Variants in CIMAP1D observed in about 807,000 individuals in gnomAD.
CIMAP1D encodes CIMAP1 family member D.
At chr19:483,256 C>G in the CIMAP1D span, among the ~76,000 whole-genome samples, 7 of 149,694 alleles carry the variant, frequency 4.7e-5, no homozygotes, top group Admixed American at 2.7e-4. Context: ...CCCATCCCCC[C>G]CCAACACCCA....
At chr19:475,146 G>A in the CIMAP1D span, among the ~76,000 whole-genome samples, 4 of 152,154 alleles carry the variant, frequency 2.6e-5, no homozygotes, top group South Asian at 2.1e-4. Flanking sequence ...TGGCGGGGTC[G>A]TGGGTGGCGT....
the CIMAP1D span, among the ~76,000 whole-genome samples, chr19:482,829 G>A: frequency 7.9e-3 from 1,198 of 152,222 alleles, 15 homozygotes; most frequent in African/African-American, 0.027. Context: ...CACCCTGGCC[G>A]CCATCATACG....
At chr19:467,390 T>C in the CIMAP1D span, among the ~76,000 whole-genome samples, 1 of 152,016 alleles carries the variant, frequency 6.6e-6, no homozygotes, top group Non-Finnish European at 1.5e-5. Flanking sequence ...TCTCACCTCC[T>C]GACACCTAGG....
At chr19:483,905 C>A in the CIMAP1D span, among the ~76,000 whole-genome samples, 2 of 152,198 alleles carry the variant, frequency 1.3e-5, no homozygotes, top group Non-Finnish European at 2.9e-5. Flanking sequence ...TTCTGTGCGG[C>A]ACGGGAAGGG....
the CIMAP1D span, among the ~76,000 whole-genome samples, chr19:479,415 G>A: frequency 6.4e-5 from 9 of 141,510 alleles, no homozygotes; most frequent in South Asian, 1.1e-3. Flanking sequence ...TTTTTTTGGG[G>A]GGGGGGGGGA....
chr19:474,753 G>C, the CIMAP1D span: 1 of 1,511,384 alleles, frequency 6.6e-7, no homozygotes, highest in African/African-American at 1.4e-5. Context: ...CCCATGGTGG[G>C]CAGGCGATGG....
the CIMAP1D span, among the ~76,000 whole-genome samples, chr19:466,748 G>A: frequency 3.8e-4 from 53 of 138,646 alleles, no homozygotes; most frequent in African/African-American, 1.3e-3. Flanking sequence ...TGAGTGGATG[G>A]GTGGATGGTT....
At chr19:472,582 G>T in the CIMAP1D span, 1 of 1,023,238 alleles carries the variant, frequency 9.8e-7, no homozygotes, top group South Asian at 1.8e-5. Context: ...CTGAGCCTTA[G>T]CCTGGGTTCC....
chr19:464,183 CTTGGTGAAGAT>C, the CIMAP1D span: 7 of 1,509,294 alleles, frequency 4.6e-6, no homozygotes, highest in South Asian at 9.0e-5. Flanking sequence ...GGCTGCTGGG[CTTGGTGAAGAT>C]CTGTGAGCCC....
the CIMAP1D span, among the ~76,000 whole-genome samples, chr19:468,847 A>G: frequency 2.2e-5 from 1 of 45,008 alleles, no homozygotes; most frequent in African/African-American, 3.7e-5. Context: ...TGGCCCAGAC[A>G]CGGCTCCAGA....
the CIMAP1D span, among the ~76,000 whole-genome samples, chr19:488,798 C>G: frequency 2.8e-4 from 43 of 152,228 alleles, 1 homozygote; most frequent in Admixed American, 9.2e-4. Context: ...GCTCCTTGGG[C>G]GAACGGCCAG....
At chr19:486,502 G>A in the CIMAP1D span, among the ~76,000 whole-genome samples, 6 of 151,972 alleles carry the variant, frequency 3.9e-5, no homozygotes, top group Non-Finnish European at 7.4e-5. Flanking sequence ...GGGTAGTGGC[G>A]CAATCTCGGC....
the CIMAP1D span, among the ~76,000 whole-genome samples, chr19:485,997 C>A: frequency 6.6e-6 from 1 of 152,206 alleles, no homozygotes; most frequent in Admixed American, 6.5e-5. Context: ...GAGACTCTAA[C>A]AAGGAAGGCT....
chr19:474,347 G>A, the CIMAP1D span, among the ~76,000 whole-genome samples: 10 of 152,186 alleles, frequency 6.6e-5, no homozygotes, highest in Non-Finnish European at 1.3e-4. Context: ...CCGCATGATC[G>A]CTGTGGCTTT....
chr19:465,461 GGATA>G, the CIMAP1D span, among the ~76,000 whole-genome samples: 14 of 146,678 alleles, frequency 9.5e-5, no homozygotes, highest in Admixed American at 7.5e-4. Context: ...GTGGGTGGGT[GGATA>G]GATGGGTGGG....
the CIMAP1D span, among the ~76,000 whole-genome samples, chr19:485,269 G>GGC: frequency 1.3e-5 from 2 of 152,228 alleles, no homozygotes; most frequent in South Asian, 2.1e-4. Flanking sequence ...CACACAGGCA[G>GGC]GCGCGCACAC....
chr19:467,587 A>T, the CIMAP1D span: 1 of 1,013,258 alleles, frequency 9.9e-7, no homozygotes, highest in Non-Finnish European at 1.6e-6. Flanking sequence ...AGGACAGGGC[A>T]GGAGAGTCGC....
chr19:484,882 C>T, the CIMAP1D span, among the ~76,000 whole-genome samples: 5 of 151,968 alleles, frequency 3.3e-5, no homozygotes, highest in Non-Finnish European at 5.9e-5. Context: ...GAGGAGGGCA[C>T]GGCCTGAATT....
At chr19:481,221 TG>T in the CIMAP1D span, among the ~76,000 whole-genome samples, 753 of 99,368 alleles carry the variant, frequency 7.6e-3, no homozygotes, top group African/African-American at 0.056. Flanking sequence ...AGAAGGATGA[TG>T]GGGAAGGATG....
Sources: gnomAD v4.1 joint callset for allele counts (sites outside exome capture counted in the v4.1 genomes callset) on GRCh38, gnomAD v4.1.1 for gene constraint, MANE v1.5 for transcripts, NCBI Gene and HGNC (gene_info 2026-07-23, HGNC 2026-07-21) for gene names.